The following CNTN4 variants were observed in gnomAD, a reference collection of about 807,000 sequenced individuals.
The protein encoded by CNTN4 is contactin 4, also known as contactin-4.
CNTN4 carries 77 observed loss-of-function variants against 122.5 expected under a neutral mutation model. The observed-to-expected ratio is 0.63, with a 90% CI of 0.52 to 0.76. The LOEUF (loss-of-function observed/expected upper bound fraction) is 0.76. Ranked by LOEUF, CNTN4 falls within the 30% of genes least tolerant of loss-of-function variation. The pLI, the probability that CNTN4 is intolerant of heterozygous loss-of-function variation, is 0.00. For synonymous variants in CNTN4, 512 were observed against 447.0 expected (o/e 1.15, Z -1.83); for missense variants, 1,256 against 1,259.1 (o/e 1.00, Z 0.04).
intron 9 of CNTN4, among the ~76,000 whole-genome samples, chr3:2,886,363 A>G (rs1442182933): frequency 6.7e-6 from 1 of 148,868 alleles, no homozygotes; most frequent in African/African-American, 2.5e-5. Flanking sequence ...CGCCACTGCA[A>G]TCCAGCCTGG....
intron 13 of CNTN4, among the ~76,000 whole-genome samples, chr3:2,981,311 G>T (rs539582259): frequency 0.019 from 2,835 of 151,858 alleles, 42 homozygotes; most frequent in Middle Eastern, 0.031. Flanking sequence ...GGGCGTGGTG[G>T]CGGGCGCCTG....
intron 8 of CNTN4, among the ~76,000 whole-genome samples, chr3:2,874,061 C>G (rs2093816169): frequency 6.6e-6 from 1 of 152,170 alleles, no homozygotes; most frequent in South Asian, 2.1e-4. Context: ...AGATATTTTG[C>G]TAAACTGCCA....
At chr3:2,478,333 C>G (rs1481785120) in intron 3 of CNTN4, among the ~76,000 whole-genome samples, 1 of 151,342 alleles carries the variant, frequency 6.6e-6, no homozygotes, top group South Asian at 2.1e-4. Context: ...TAGAAATGCT[C>G]TTTAATTACT....
chr3:2,831,213 G>C (rs971204986), intron 7 of CNTN4, among the ~76,000 whole-genome samples: 1 of 152,100 alleles, frequency 6.6e-6, no homozygotes, highest in Non-Finnish European at 1.5e-5. Context: ...TAAAGCTTTT[G>C]ATTCTATGTA....
At chr3:2,691,002 G>A (rs1185484616) in intron 4 of CNTN4, among the ~76,000 whole-genome samples, 1 of 152,168 alleles carries the variant, frequency 6.6e-6, no homozygotes, top group African/African-American at 2.4e-5. Flanking sequence ...GTATAGGGAA[G>A]ACCACGTGAG....
intron 4 of CNTN4, among the ~76,000 whole-genome samples, chr3:2,593,122 T>A (rs2080579750): frequency 3.3e-5 from 5 of 152,158 alleles, no homozygotes; most frequent in Admixed American, 3.3e-4. Flanking sequence ...TACACACAGA[T>A]AAAAAGACCA....
rs186012061 is a variant in CNTN4 at position 2,386,077 on chromosome 3, A to G, written c.-89+46844A>G. 8.5e-5 allele frequency among the ~76,000 whole-genome samples: 13 copies of G among 152,166 alleles called. No homozygotes were observed. In the East Asian group the frequency reaches 2.5e-3, roughly 29 times the overall value. ...TTCATGTCACAGTATATTTGTTCATATATCTATGACATTGGTTAGATTAGG... is the reference window on the plus strand; with the variant it reads ...TTCATGTCACAGTATATTTGTTCATGTATCTATGACATTGGTTAGATTAGG... On this transcript the variant is annotated intron_variant, in intron 3 of 24. Transcript: ENST00000418658.
At chr3:2,670,998 C>G (rs1194071830) in intron 4 of CNTN4, among the ~76,000 whole-genome samples, 2 of 152,126 alleles carry the variant, frequency 1.3e-5, no homozygotes, top group East Asian at 1.9e-4. Flanking sequence ...GTGGGTAACC[C>G]GACCTTTCTC....
intron 2 of CNTN4, among the ~76,000 whole-genome samples, chr3:2,200,994 G>T (rs1207471482): frequency 6.6e-6 from 1 of 152,200 alleles, no homozygotes; most frequent in Non-Finnish European, 1.5e-5. Flanking sequence ...GAAGTAGTGG[G>T]TGGGTGAATG....
At chr3:2,139,226 CA>C (rs2034865438) in intron 2 of CNTN4, among the ~76,000 whole-genome samples, 1 of 152,076 alleles carries the variant, frequency 6.6e-6, no homozygotes, top group Non-Finnish European at 1.5e-5. Context: ...AAATACTCAA[CA>C]TTAAGTAGTT....
intron 3 of CNTN4, among the ~76,000 whole-genome samples, chr3:2,552,124 G>T (rs2078533353): frequency 2.0e-5 from 3 of 152,108 alleles, no homozygotes. Flanking sequence ...GATAAGTGAG[G>T]CCAGAGTAAA....
At chr3:2,295,530 T>G (rs2042279136) in intron 2 of CNTN4, among the ~76,000 whole-genome samples, 1 of 151,712 alleles carries the variant, frequency 6.6e-6, no homozygotes, top group African/African-American at 2.4e-5. Flanking sequence ...GGGTTGTTTG[T>G]TTTTTTCTTG....
intron 13 of CNTN4, among the ~76,000 whole-genome samples, chr3:2,937,119 G>T (rs1246806537): frequency 6.6e-6 from 1 of 152,276 alleles, no homozygotes; most frequent in East Asian, 1.9e-4. Context: ...CCCCCACCTT[G>T]GGTTTTTTGT....
intron 2 of CNTN4, among the ~76,000 whole-genome samples, chr3:2,135,930 G>T (rs115209646): frequency 0.016 from 2,379 of 152,264 alleles, 72 homozygotes; most frequent in African/African-American, 0.055. Flanking sequence ...ATTTTCTCTA[G>T]GGGATGTGCT....
chr3:2,473,533 C>T (rs879877494), intron 3 of CNTN4, among the ~76,000 whole-genome samples: 1 of 152,032 alleles, frequency 6.6e-6, no homozygotes, highest in Non-Finnish European at 1.5e-5. Flanking sequence ...ATTATACTAC[C>T]CTTATTTCAG....
intron 3 of CNTN4, among the ~76,000 whole-genome samples, chr3:2,383,363 G>C (rs1453914386): frequency 6.6e-6 from 1 of 152,160 alleles, no homozygotes; most frequent in Admixed American, 6.5e-5. Context: ...AAGTGAGAAT[G>C]ATAATGGCTA....
At chr3:2,688,277 T>A (rs2085541992) in intron 4 of CNTN4, among the ~76,000 whole-genome samples, 1 of 151,886 alleles carries the variant, frequency 6.6e-6, no homozygotes, top group African/African-American at 2.4e-5. Flanking sequence ...CCACATTGAG[T>A]TTTTTCCCCA....
chr3:2,405,806 C>T (rs1322365963), intron 3 of CNTN4, among the ~76,000 whole-genome samples: 7 of 152,010 alleles, frequency 4.6e-5, no homozygotes, highest in Non-Finnish European at 4.4e-5. Context: ...GTGAATCACT[C>T]GAGCTTGAGA....
At chr3:2,120,406 T>TATAAATA (rs1491534107) in intron 2 of CNTN4, among the ~76,000 whole-genome samples, 1 of 24,574 alleles carries the variant, frequency 4.1e-5, no homozygotes, top group African/African-American at 1.3e-4. Context: ...TATATATATA[T>TATAAATA]TTTTTTTTTT....
Sources: gnomAD v4.1 joint callset for allele counts (sites outside exome capture counted in the v4.1 genomes callset) on GRCh38, gnomAD v4.1.1 for gene constraint, MANE v1.5 for transcripts, NCBI Gene and HGNC (gene_info 2026-07-23, HGNC 2026-07-21) for gene names.